CTBP1: variants seen among roughly 807,000 people sequenced by gnomAD.
CTBP1 encodes C-terminal-binding protein 1.
CTBP1 carries 11 observed loss-of-function variants against 42.1 expected under a neutral mutation model. That is an observed-to-expected ratio of 0.26 (90% CI 0.16 to 0.43). The LOEUF is 0.43. CTBP1 is among the 20% of genes least tolerant of loss of function. The pLI, the probability that CTBP1 is intolerant of heterozygous loss-of-function variation, is 1.00. For missense variants in CTBP1, 399 were observed against 624.3 expected (o/e 0.64, Z 3.85); for synonymous variants, 324 against 277.1 (o/e 1.17, Z -1.68).
chr4:1,248,686 C>T (rs1733026973), intron 1 of CTBP1: 2 of 982,006 alleles, frequency 2.0e-6, no homozygotes, highest in Non-Finnish European at 2.4e-6. Context: ...GCGGGGAGAG[C>T]AGACTGCGGC....
chr4:1,232,467 A>C (rs1731058722), intron 3 of CTBP1, among the ~76,000 whole-genome samples: 1 of 151,680 alleles, frequency 6.6e-6, no homozygotes, highest in African/African-American at 2.4e-5. Flanking sequence ...GCGCACCACC[A>C]CGCGTGGCTA....
rs1423686043 is a variant in CTBP1 at position 1,249,054 on chromosome 4, C to G, written c.-327G>C. ...GCCTCGGCGCCGTCCGCTGCTCCGC[C>G]CGCCCGCCTGCGCCTGGCCGCCGCC... On this transcript the variant is annotated 5_prime_UTR_variant, in exon 1 of 10. Transcript: ENST00000382952. The G allele has an allele frequency of 4.2e-6, 2 of 478,562 alleles. No homozygotes were observed. The highest frequency in any genetic ancestry group is 1.3e-4 in the Admixed American group (2 of 15,098). The allele number at this position is 478,562 out of a possible 1,614,324, so 29.6% of individuals were successfully genotyped here.
intron 5 of CTBP1, 132 bp from the exon 6 acceptor site, chr4:1,216,337 A>C: frequency 1.1e-6 from 1 of 932,762 alleles, no homozygotes. Flanking sequence ...GCTGTGGTCA[A>C]GCCAAGGTGC....
At chr4:1,237,491 G>A in intron 3 of CTBP1, 3 of 684,776 alleles carry the variant, frequency 4.4e-6, no homozygotes, top group Non-Finnish European at 8.0e-6. Flanking sequence ...ATGGTGTGCA[G>A]GGAAAACCCC....
intron 3 of CTBP1, chr4:1,237,639 C>T (rs544213561): frequency 3.8e-5 from 23 of 611,134 alleles, no homozygotes; most frequent in South Asian, 2.8e-4. Flanking sequence ...CAGGACAAAC[C>T]CCGTGTCCAC....
At chr4:1,244,514 G>A in intron 1 of CTBP1, 8 of 985,206 alleles carry the variant, frequency 8.1e-6, no homozygotes, top group Non-Finnish European at 9.6e-6. Flanking sequence ...CCACTGGCCA[G>A]CCCTGCTGGG....
At chr4:1,222,000 G>A (rs978169475) in intron 5 of CTBP1, among the ~76,000 whole-genome samples, 2 of 152,202 alleles carry the variant, frequency 1.3e-5, no homozygotes, top group South Asian at 2.1e-4. Flanking sequence ...TGAGCCACAC[G>A]CTGCCCAGGG....
At chr4:1,224,931 A>G (rs961492244) in intron 5 of CTBP1, among the ~76,000 whole-genome samples, 3 of 150,118 alleles carry the variant, frequency 2.0e-5, no homozygotes, top group African/African-American at 7.4e-5. Context: ...TGTGTGTGCC[A>G]TGATGTCTGT....
intron 9 of CTBP1, chr4:1,212,697 G>C: frequency 1.6e-6 from 1 of 616,248 alleles, no homozygotes; most frequent in Non-Finnish European, 2.8e-6. Flanking sequence ...TGGCACTCCT[G>C]TGTCCACTGA....
chr4:1,220,722 A>G (rs887485197), intron 5 of CTBP1, among the ~76,000 whole-genome samples: 1 of 152,260 alleles, frequency 6.6e-6, no homozygotes, highest in Non-Finnish European at 1.5e-5. Context: ...CTTTCCACAG[A>G]GGAGCCAAGC....
At chr4:1,242,987 C>T in intron 1 of CTBP1, 1 of 985,140 alleles carries the variant, frequency 1.0e-6, no homozygotes, top group Non-Finnish European at 1.2e-6. Flanking sequence ...CGATACTCAT[C>T]AATGCCAGCC....
chr4:1,230,159 G>A (rs1006618990), intron 3 of CTBP1, among the ~76,000 whole-genome samples: 4 of 151,980 alleles, frequency 2.6e-5, no homozygotes, highest in East Asian at 1.9e-4. Context: ...TGGTGCACCA[G>A]ATGCAGTGTG....
intron 5 of CTBP1, chr4:1,223,487 G>A (rs977768967): frequency 2.2e-6 from 1 of 456,032 alleles, no homozygotes; most frequent in African/African-American, 2.0e-5. Flanking sequence ...GCGGGACAAG[G>A]ACAGCGGTCA....
intron 2 of CTBP1, among the ~76,000 whole-genome samples, chr4:1,239,734 G>A (rs1483631794): frequency 2.0e-5 from 3 of 152,246 alleles, no homozygotes; most frequent in East Asian, 1.9e-4. Context: ...TGCCCCTCCC[G>A]TGAGGTCCTC....
chr4:1,218,355 G>C (rs1230735681), intron 5 of CTBP1: 1 of 151,820 alleles, frequency 6.6e-6, no homozygotes, highest in African/African-American at 2.4e-5. Context: ...AGTGAGCCGA[G>C]ATCGCGCCAC....
At chr4:1,248,807 G>A (rs1057044512) in intron 1 of CTBP1, 109 bp downstream of exon 1, 3 of 932,990 alleles carry the variant, frequency 3.2e-6, no homozygotes, top group Non-Finnish European at 2.5e-6. Flanking sequence ...ACACAAAGCC[G>A]GCGGCCCGCG....
intron 5 of CTBP1, chr4:1,223,323 G>A (rs1729955622): frequency 2.5e-6 from 1 of 405,802 alleles, no homozygotes; most frequent in African/African-American, 2.1e-5. Flanking sequence ...GCCAGCCCTG[G>A]GGTCCTGGTG....
chr4:1,244,358 G>GC (rs1560285669), intron 1 of CTBP1: 1 of 983,144 alleles, frequency 1.0e-6, no homozygotes, highest in South Asian at 4.7e-5. Flanking sequence ...GGGCACTGGG[G>GC]GGGGGGTGTT....
At chr4:1,241,614 G>T in intron 1 of CTBP1, 95 bp from the exon 2 acceptor site, 1 of 1,442,494 alleles carries the variant, frequency 6.9e-7, no homozygotes, top group Non-Finnish European at 9.2e-7. Flanking sequence ...GGACCTCACT[G>T]CATCTGCCAC....
Sources: allele counts gnomAD v4.1 joint callset (sites outside exome capture counted in the v4.1 genomes callset), GRCh38; gene constraint gnomAD v4.1.1; transcripts MANE v1.5; gene names NCBI Gene and HGNC (gene_info 2026-07-23, HGNC 2026-07-21).